Variants in HDAC5 observed in about 807,000 individuals in gnomAD.
HDAC5 encodes the protein antigen NY-CO-9.
Under a neutral mutation model 133.3 loss-of-function variants are expected in HDAC5, and 25 were observed. The ratio of observed to expected loss-of-function variants is 0.19; its 90% CI spans 0.14 to 0.26. HDAC5 has a LOEUF of 0.26. Among genes scored for constraint, HDAC5 ranks in the 10% least tolerant of loss-of-function variants. HDAC5 has a pLI of 1.00. For synonymous variants in HDAC5, 589 were observed against 610.8 expected (o/e 0.96, Z 0.53); for missense variants, 1,041 against 1,460.5 (o/e 0.71, Z 4.68).
chr17:44,096,476 T>C (rs1031061620), intron 3 of HDAC5, among the ~76,000 whole-genome samples: 2 of 139,428 alleles, frequency 1.4e-5, no homozygotes, highest in Admixed American at 7.1e-5. Flanking sequence ...TTTTTTTTTG[T>C]TTTTTTTTTT....
chr17:44,107,211 C>CA (rs1307510773), intron 3 of HDAC5, among the ~76,000 whole-genome samples: 1 of 152,126 alleles, frequency 6.6e-6, no homozygotes, highest in Non-Finnish European at 1.5e-5. Flanking sequence ...CTCAGGCTTC[C>CA]AAAGTGCTGG....
At chr17:44,094,678 GAC>G (rs2051148523) in intron 3 of HDAC5, among the ~76,000 whole-genome samples, 1 of 151,924 alleles carries the variant, frequency 6.6e-6, no homozygotes, top group Admixed American at 6.6e-5. Flanking sequence ...AGCTGTACCT[GAC>G]AGATTGTGAC....
intron 2 of HDAC5, among the ~76,000 whole-genome samples, chr17:44,113,464 G>C (rs1008955956): frequency 6.6e-6 from 1 of 152,142 alleles, no homozygotes; most frequent in Non-Finnish European, 1.5e-5. Context: ...ATCTGGGATG[G>C]GGACAAATGT....
rs745356795 is a variant in HDAC5, at chr17:44,092,818, G to T, written c.642-12C>A. 21 of 852,638 alleles carry T rather than the reference G, an allele frequency of 2.5e-5. No individual in the cohort carries two copies. The highest frequency in any genetic ancestry group is 5.2e-5 in the East Asian group (2 of 38,580). 52.8% of individuals were successfully genotyped at this position (852,638 alleles called of 1,614,324 possible). A position where few individuals can be genotyped will look rare whatever the true frequency, so the allele number is the denominator to read the frequency against. ...CATGGTGGGCTCCCCTGGGGTGGGG[G>T]GGGGGTGGGGATGGAAGCAGATCTA... On this transcript the variant is annotated splice_polypyrimidine_tract_variant and intron_variant, in intron 6 of 26. Transcript: ENST00000682912.
chr17:44,089,851 A>C (rs2050851600), intron 11 of HDAC5, among the ~76,000 whole-genome samples: 1 of 148,120 alleles, frequency 6.8e-6, no homozygotes, highest in Non-Finnish European at 1.5e-5. Context: ...TTGAAGCTTG[A>C]ACCCAGGAGG....
At chr17:44,108,689 A>ATT (rs1262236909) in intron 3 of HDAC5, among the ~76,000 whole-genome samples, 1 of 128,700 alleles carries the variant, frequency 7.8e-6, no homozygotes, top group Non-Finnish European at 1.6e-5. Flanking sequence ...TCCGGGGTGG[A>ATT]TTTTTTTTAA....
In HDAC5 at chr17:44,080,092, C is replaced by A. The variant is rs778683053; in HGVS notation, c.2944+15G>T. On this transcript the variant is annotated intron_variant, in intron 23 of 26. Coordinates refer to ENST00000682912, the MANE Select transcript of HDAC5 (RefSeq NM_005474.5). ...CACTGTTTCACTTCCTCCCTCAATC[C>A]CCCAGCAGGCTTACATCTGGCGGTG... The A allele has an allele frequency of 6.4e-7, 1 of 1,560,820 alleles. No homozygotes were observed. The highest frequency in any genetic ancestry group is 8.8e-7 in the Non-Finnish European group (1 of 1,132,500).
At chr17:44,092,587 C>G in intron 7 of HDAC5, 60 bp from the exon 8 acceptor site, 5 of 1,573,744 alleles carry the variant, frequency 3.2e-6, no homozygotes, top group Non-Finnish European at 4.3e-6. Flanking sequence ...TGCAGCTGAG[C>G]CCACTGGGGT....
chr17:44,086,777 C>T, intron 13 of HDAC5, 40 bp from the exon 14 acceptor site: 5 of 1,272,064 alleles, frequency 3.9e-6, no homozygotes, highest in Non-Finnish European at 4.0e-6. Context: ...TCAGACTCAG[C>T]CAGGACAGGG....
At chr17:44,110,587 C>A (rs2052271620) in intron 3 of HDAC5, 142 bp downstream of exon 3, 2 of 680,524 alleles carry the variant, frequency 2.9e-6, no homozygotes, top group South Asian at 3.4e-5. Flanking sequence ...AGCAGGGATC[C>A]CCCAGCCCTG....
At chr17:44,089,094 T>C (rs1270919103) in intron 11 of HDAC5, among the ~76,000 whole-genome samples, 2 of 152,122 alleles carry the variant, frequency 1.3e-5, no homozygotes, top group Admixed American at 6.5e-5. Context: ...TCTAGTCCCA[T>C]AGCTACTAGT....
intron 2 of HDAC5, among the ~76,000 whole-genome samples, chr17:44,113,545 C>G (rs956314594): frequency 5.3e-5 from 8 of 152,066 alleles, no homozygotes; most frequent in African/African-American, 1.9e-4. Flanking sequence ...CATGCTTTAG[C>G]CCCCCTCCTT....
rs1003581676 is a variant in HDAC5, at chr17:44,123,389, CGGAGCGCGGCGCGCGCGCTG to C, written c.-190+95_-190+114del. ...GGGCCGGGAGGAAGGAAGGGGGGCG[CGGAGCGCGGCGCGCGCGCTG>C]GGAGCCCGCGGACAGAGACAGCAGG... On this transcript the variant is annotated intron_variant, in intron 1 of 26. Transcript: ENST00000682912. 4.4e-5 allele frequency: 15 copies of C among 341,034 alleles called. No homozygotes were observed. In the Admixed American group the frequency reaches 6.2e-4, roughly 14 times the overall value. 21.1% of individuals were successfully genotyped at this position (341,034 alleles called of 1,614,324 possible). A position where few individuals can be genotyped will look rare whatever the true frequency, so the allele number is the denominator to read the frequency against.
In HDAC5 at chr17:44,091,853, C is replaced by G. The variant is rs776372530; in HGVS notation, c.1033-22G>C. The G allele has an allele frequency of 1.2e-5, 19 of 1,532,592 alleles. No homozygotes were observed. In the Admixed American group the frequency reaches 2.8e-4, roughly 22 times the overall value. The allele number at this position is 1,532,592 out of a possible 1,614,324, so 94.9% of individuals were successfully genotyped here. On this transcript the variant is annotated intron_variant, in intron 9 of 26. Transcript: ENST00000682912. ...GCATCTGGGGAGCAGTCAGAAGAGA[C>G]AGGCATGAGAGTGCACAAAGGGGAG...
chr17:44,081,424 TG>T (rs1361803843), intron 20 of HDAC5: 1 of 151,360 alleles, frequency 6.6e-6, no homozygotes, highest in Non-Finnish European at 1.5e-5. Flanking sequence ...CAATTTTTTT[TG>T]TATTTTTAGT....
chr17:44,121,443 C>A (rs572655868), intron 1 of HDAC5, among the ~76,000 whole-genome samples: 18 of 141,082 alleles, frequency 1.3e-4, no homozygotes, highest in African/African-American at 3.6e-4. Context: ...CTTCCCCCCC[C>A]TACTGCCACC....
chr17:44,102,562 T>C (rs903043213), intron 3 of HDAC5, among the ~76,000 whole-genome samples: 1 of 151,788 alleles, frequency 6.6e-6, no homozygotes, highest in Non-Finnish European at 1.5e-5. Flanking sequence ...AGTTTCACCA[T>C]GTTGGCCAGG....
At chr17:44,087,743 C>A in intron 12 of HDAC5, 47 bp from the exon 13 acceptor site, 2 of 1,522,424 alleles carry the variant, frequency 1.3e-6, no homozygotes, top group African/African-American at 1.4e-5. Flanking sequence ...TGGGGAGCAG[C>A]TGTGCAGCCT....
In HDAC5 at chr17:44,108,769, A is replaced by C. The variant is rs933559289; in HGVS notation, c.94+1960T>G. On this transcript the variant is annotated intron_variant, in intron 3 of 26. Coordinates refer to ENST00000682912, the MANE Select transcript of HDAC5 (RefSeq NM_005474.5). ...CAGAGTCCAAAAAAAAAACAAAAAA[A>C]AAACAAAAAAAAAACAAGGCTGCCG... is the stretch of plus-strand genomic sequence containing the variant. Among the ~76,000 whole-genome samples the C allele has an allele frequency of 7.7e-4, 114 of 147,258 alleles. 2 individuals carry two copies. The East Asian group carries it at 0.016, about 21-fold the overall frequency.
Sources: gnomAD v4.1 joint callset for allele counts (sites outside exome capture counted in the v4.1 genomes callset) on GRCh38, gnomAD v4.1.1 for gene constraint, MANE v1.5 for transcripts, NCBI Gene and HGNC (gene_info 2026-07-23, HGNC 2026-07-21) for gene names.